Variants in LIMCH1 observed in about 807,000 individuals in gnomAD.
The protein encoded by LIMCH1 is LIM and calponin homology domains 1, also known as LIM and calponin homology domains-containing protein 1.
In LIMCH1, 113 loss-of-function variants were observed where a neutral mutation model predicts 176.5. The observed-to-expected ratio is 0.64, with a 90% confidence interval of 0.55 to 0.75. The LOEUF is 0.75. Among genes scored for constraint, LIMCH1 ranks in the 30% least tolerant of loss-of-function variants. The probability of loss-of-function intolerance (pLI) is 0.00; values close to 1 mark genes in which losing one functional copy is unlikely to be tolerated. For missense variants in LIMCH1, 1,674 were observed against 1,814.9 expected, an observed-to-expected ratio of 0.92 and a Z score of 1.41; for synonymous variants, 619 against 645.9, an observed-to-expected ratio of 0.96 and a Z score of 0.63.
intron 1 of LIMCH1, among the ~76,000 whole-genome samples, chr4:41,439,629 G>T (rs936961467): frequency 6.6e-6 from 1 of 151,952 alleles, no homozygotes; most frequent in Non-Finnish European, 1.5e-5. Context: ...AGTGGGCTGG[G>T]TGCAGTGTGT....
chr4:41,573,928 T>A (rs1187780684), intron 1 of LIMCH1, among the ~76,000 whole-genome samples: 1 of 152,122 alleles, frequency 6.6e-6, no homozygotes, highest in Non-Finnish European at 1.5e-5. Flanking sequence ...ATTTTTAAAG[T>A]TCTGTGTCCT....
intron 1 of LIMCH1, among the ~76,000 whole-genome samples, chr4:41,481,744 G>A (rs1276705256): frequency 2.6e-5 from 4 of 152,162 alleles, no homozygotes; most frequent in Non-Finnish European, 5.9e-5. Flanking sequence ...CTCGGGGAGG[G>A]AGATGGTAGT....
intron 1 of LIMCH1, among the ~76,000 whole-genome samples, chr4:41,562,875 G>A (rs2082239606): frequency 1.3e-5 from 2 of 152,140 alleles, no homozygotes; most frequent in African/African-American, 4.8e-5. Context: ...ACTGATAAAT[G>A]TTTGATAGAA....
chr4:41,511,728 T>C (rs1259889741), intron 2 of LIMCH1, among the ~76,000 whole-genome samples: 1 of 152,228 alleles, frequency 6.6e-6, no homozygotes, highest in Admixed American at 6.5e-5. Flanking sequence ...TGTTTATAAC[T>C]AACCAGTAAA....
chr4:41,670,865 A>G (rs2094993261), intron 21 of LIMCH1: 5 of 1,511,250 alleles, frequency 3.3e-6, no homozygotes, highest in Non-Finnish European at 4.4e-6. Context: ...GATGTGTGGC[A>G]CTTGTCTTCA....
intron 1 of LIMCH1, among the ~76,000 whole-genome samples, chr4:41,466,609 C>T (rs552643607): frequency 6.6e-6 from 1 of 152,288 alleles, no homozygotes; most frequent in East Asian, 1.9e-4. Flanking sequence ...CACTTTATCT[C>T]AAAAGTCCCT....
At chr4:41,421,944 G>A (rs553056228) in intron 1 of LIMCH1, among the ~76,000 whole-genome samples, 1 of 152,010 alleles carries the variant, frequency 6.6e-6, no homozygotes, top group Admixed American at 6.5e-5. Context: ...TTAGCCAGGT[G>A]TGGTGGCATG....
At chr4:41,398,663 T>C (rs1341030512) in intron 1 of LIMCH1, among the ~76,000 whole-genome samples, 2 of 152,160 alleles carry the variant, frequency 1.3e-5, no homozygotes, top group Non-Finnish European at 2.9e-5. Flanking sequence ...TGCATATTTC[T>C]CTGATTGCTG....
At chr4:41,611,149 C>T (rs1248871385) in intron 4 of LIMCH1, among the ~76,000 whole-genome samples, 3 of 152,148 alleles carry the variant, frequency 2.0e-5, no homozygotes, top group African/African-American at 4.8e-5. Context: ...TGTATGTTTT[C>T]TATGTTTAGG....
chr4:41,366,357 C>T (rs2052983413), intron 1 of LIMCH1, among the ~76,000 whole-genome samples: 1 of 152,290 alleles, frequency 6.6e-6, no homozygotes, highest in Non-Finnish European at 1.5e-5. Flanking sequence ...TTTGACCAAA[C>T]TGTTCTTACT....
chr4:41,524,834 G>A (rs6447082), intron 3 of LIMCH1, among the ~76,000 whole-genome samples: 78,817 of 152,096 alleles, frequency 0.52, 23,525 homozygotes, highest in African/African-American at 0.83. Context: ...ATGGAGGGTA[G>A]GGGAGGTAGA....
chr4:41,644,964 C>T (rs1470031283), intron 15 of LIMCH1, among the ~76,000 whole-genome samples: 1 of 152,178 alleles, frequency 6.6e-6, no homozygotes, highest in Non-Finnish European at 1.5e-5. Context: ...ATGGTAGTAA[C>T]GATAACAATG....
chr4:41,650,780 CT>C (rs2094262041), intron 18 of LIMCH1, among the ~76,000 whole-genome samples, 172 bp downstream of exon 18: 1 of 152,158 alleles, frequency 6.6e-6, no homozygotes, highest in Non-Finnish European at 1.5e-5. Flanking sequence ...CAGAAACTGT[CT>C]CACAGTCCTG....
chr4:41,505,803 A>G (rs2074074115), intron 2 of LIMCH1, among the ~76,000 whole-genome samples: 1 of 152,128 alleles, frequency 6.6e-6, no homozygotes, highest in African/African-American at 2.4e-5. Flanking sequence ...CATCTATAGA[A>G]ACACTTGGTG....
At chr4:41,682,250 C>A (rs1716603791) in intron 25 of LIMCH1, 83 bp from the exon 26 acceptor site, 1 of 1,003,866 alleles carries the variant, frequency 1.0e-6, no homozygotes, top group East Asian at 2.9e-5. Flanking sequence ...TTGAAAAATA[C>A]TTCAAATATC....
chr4:41,659,470 A>G (rs1459367363), intron 18 of LIMCH1, among the ~76,000 whole-genome samples: 5 of 152,100 alleles, frequency 3.3e-5, no homozygotes, highest in African/African-American at 1.2e-4. Flanking sequence ...TGTTGTTTAA[A>G]ATTTCTTTGT....
At chr4:41,567,701 A>T (rs187303821) in intron 1 of LIMCH1, among the ~76,000 whole-genome samples, 73 of 152,352 alleles carry the variant, frequency 4.8e-4, no homozygotes, top group African/African-American at 1.6e-3. Flanking sequence ...AAGTGCACAG[A>T]AAGGCATGAT....
At chr4:41,616,634 C>G (rs992908598) in intron 5 of LIMCH1, among the ~76,000 whole-genome samples, 4 of 152,138 alleles carry the variant, frequency 2.6e-5, no homozygotes, top group African/African-American at 9.7e-5. Context: ...TAGTAGATTT[C>G]CATGTTCACA....
At chr4:41,535,178 A>G (rs1031344085), upstream of LIMCH1, among the ~76,000 whole-genome samples, 2 of 151,104 alleles carry the variant, frequency 1.3e-5, no homozygotes, top group African/African-American at 2.4e-5. Flanking sequence ...AAAAAAAAAA[A>G]AAAAAAGAAA....
Sources: gnomAD v4.1 joint callset for allele counts (sites outside exome capture counted in the v4.1 genomes callset) on GRCh38, gnomAD v4.1.1 for gene constraint, MANE v1.5 for transcripts, NCBI Gene and HGNC (gene_info 2026-07-23, HGNC 2026-07-21) for gene names.